Variants in SUGCT observed in about 807,000 individuals in gnomAD.
The protein encoded by SUGCT is succinyl-CoA:glutarate CoA-transferase.
Under a neutral mutation model 55.0 loss-of-function variants are expected in SUGCT, and 41 were observed. The observed-to-expected ratio is 0.74, with a 90% CI of 0.58 to 0.97. The LOEUF (loss-of-function observed/expected upper bound fraction) is 0.97. Among genes scored for constraint, SUGCT ranks in the 50% least tolerant of loss-of-function variants. SUGCT has a pLI of 0.00. For missense variants in SUGCT, 568 were observed against 547.8 expected (o/e 1.04, Z -0.37); for synonymous variants, 187 against 200.4 (o/e 0.93, Z 0.56).
At chr7:40,896,644 C>A in the SUGCT span, among the ~76,000 whole-genome samples, 1 of 152,160 alleles carries the variant, frequency 6.6e-6, no homozygotes, top group Admixed American at 6.5e-5. Flanking sequence ...TATTTGCTTC[C>A]CCTTCCACCA....
At chr7:40,249,927 C>T (rs986491666) in intron 7 of SUGCT, among the ~76,000 whole-genome samples, 6 of 152,106 alleles carry the variant, frequency 3.9e-5, no homozygotes, top group Admixed American at 3.3e-4. Flanking sequence ...GCTGGGACTA[C>T]AGGCGTGCAC....
intron 1 of SUGCT, among the ~76,000 whole-genome samples, chr7:40,168,008 C>T (rs1351049803): frequency 1.3e-5 from 2 of 152,326 alleles, no homozygotes; most frequent in African/African-American, 2.4e-5. Flanking sequence ...AATCATTGTC[C>T]CTTCCCCTGT....
At chr7:40,744,833 C>A (rs2128707609) in intron 12 of SUGCT, among the ~76,000 whole-genome samples, 1 of 152,314 alleles carries the variant, frequency 6.6e-6, no homozygotes, top group African/African-American at 2.4e-5. Context: ...GTTCTCTGGT[C>A]TTTACTAACC....
At chr7:40,230,726 C>T (rs557820145) in intron 6 of SUGCT, among the ~76,000 whole-genome samples, 11 of 152,258 alleles carry the variant, frequency 7.2e-5, no homozygotes, top group African/African-American at 2.6e-4. Context: ...GGGATAACTT[C>T]TTCTTAGGGG....
chr7:40,940,058 T>C, the SUGCT span, among the ~76,000 whole-genome samples: 3 of 152,162 alleles, frequency 2.0e-5, no homozygotes. Context: ...TTGTATGTGG[T>C]GAGAGATAGG....
At chr7:40,885,097 A>G in the SUGCT span, among the ~76,000 whole-genome samples, 1 of 152,180 alleles carries the variant, frequency 6.6e-6, no homozygotes, top group Non-Finnish European at 1.5e-5. Context: ...CAATGACACT[A>G]AAGAGTGGCT....
chr7:40,860,123 T>C (rs913081070), intron 13 of SUGCT, among the ~76,000 whole-genome samples, 193 bp from the exon 14 acceptor site: 1 of 152,198 alleles, frequency 6.6e-6, no homozygotes, highest in African/African-American at 2.4e-5. Flanking sequence ...CACTGCACAT[T>C]TGGATGAACC....
chr7:40,170,496 C>G (rs1362185163), intron 1 of SUGCT, among the ~76,000 whole-genome samples: 5 of 152,150 alleles, frequency 3.3e-5, no homozygotes, highest in Admixed American at 2.0e-4. Flanking sequence ...TTAGGGGGAA[C>G]ATTTTCTATC....
chr7:40,581,740 A>C (rs2151712133), intron 12 of SUGCT, among the ~76,000 whole-genome samples: 1 of 152,346 alleles, frequency 6.6e-6, no homozygotes, highest in East Asian at 1.9e-4. Context: ...AATTTCTGCA[A>C]GATGTAGTAC....
chr7:40,402,042 A>G (rs1786099338), intron 9 of SUGCT, among the ~76,000 whole-genome samples: 2 of 152,180 alleles, frequency 1.3e-5, no homozygotes, highest in Non-Finnish European at 2.9e-5. Context: ...ACGCATAACA[A>G]TAATAGCCAA....
At chr7:40,859,369 T>G (rs545309028) in intron 13 of SUGCT, among the ~76,000 whole-genome samples, 1 of 152,332 alleles carries the variant, frequency 6.6e-6, no homozygotes, top group African/African-American at 2.4e-5. Flanking sequence ...CCAGGCCCTA[T>G]GATTAGCTAT....
intron 13 of SUGCT, chr7:40,808,059 G>A (rs934351210): frequency 6.6e-6 from 1 of 152,130 alleles, no homozygotes; most frequent in Admixed American, 6.5e-5. Context: ...GACACACCGA[G>A]GAACAATACT....
At chr7:40,422,686 AGGTGTC>A (rs1381835497) in intron 9 of SUGCT, among the ~76,000 whole-genome samples, 4 of 152,104 alleles carry the variant, frequency 2.6e-5, no homozygotes, top group Non-Finnish European at 5.9e-5. Flanking sequence ...ATTAAACATC[AGGTGTC>A]TTGGGTAGAT....
chr7:41,008,381 C>A, the SUGCT span, among the ~76,000 whole-genome samples: 1 of 152,198 alleles, frequency 6.6e-6, no homozygotes, highest in Non-Finnish European at 1.5e-5. Context: ...CTGGCTCCAG[C>A]ACCTCCTCTC....
intron 9 of SUGCT, among the ~76,000 whole-genome samples, chr7:40,321,156 A>G (rs1584674215): frequency 6.8e-6 from 1 of 147,086 alleles, no homozygotes; most frequent in Non-Finnish European, 1.5e-5. Context: ...GCTCACTGCA[A>G]CCTCTGCCTC....
At chr7:40,364,260 C>G (rs1783805361) in intron 9 of SUGCT, among the ~76,000 whole-genome samples, 1 of 152,076 alleles carries the variant, frequency 6.6e-6, no homozygotes, top group South Asian at 2.1e-4. Context: ...GGTCTTGACT[C>G]TTTATCCAAT....
intron 12 of SUGCT, among the ~76,000 whole-genome samples, chr7:40,626,178 T>C (rs531406339): frequency 1.3e-5 from 2 of 152,292 alleles, no homozygotes; most frequent in East Asian, 3.9e-4. Flanking sequence ...CCAGCACTCC[T>C]TGACTCCTCA....
chr7:40,621,605 T>A (rs1584145338), intron 12 of SUGCT, among the ~76,000 whole-genome samples: 1 of 152,146 alleles, frequency 6.6e-6, no homozygotes, highest in South Asian at 2.1e-4. Context: ...TTCTGACATA[T>A]GGAGCAGTTG....
At chr7:40,366,115 C>G (rs1361662861) in intron 9 of SUGCT, among the ~76,000 whole-genome samples, 1 of 152,092 alleles carries the variant, frequency 6.6e-6, no homozygotes, top group Non-Finnish European at 1.5e-5. Context: ...CGCCACATAT[C>G]TACAACTATC....
Sources: gnomAD v4.1 joint callset for allele counts (sites outside exome capture counted in the v4.1 genomes callset) on GRCh38, gnomAD v4.1.1 for gene constraint, MANE v1.5 for transcripts, NCBI Gene and HGNC (gene_info 2026-07-23, HGNC 2026-07-21) for gene names.